Variants in CNTN5 observed in about 807,000 individuals in gnomAD.
The protein encoded by CNTN5 is contactin 5, also known as contactin-5.
A neutral mutation model predicts 129.1 loss-of-function variants in CNTN5; 77 were observed. The ratio of observed to expected loss-of-function variants is 0.60; its 90% CI spans 0.50 to 0.72. The LOEUF (loss-of-function observed/expected upper bound fraction) is 0.72. Ranked by LOEUF, CNTN5 falls within the 30% of genes least tolerant of loss-of-function variation. The probability of loss-of-function intolerance (pLI) is 0.00; values close to 1 mark genes in which losing one functional copy is unlikely to be tolerated. For synonymous variants in CNTN5, 509 were observed against 465.6 expected (o/e 1.09, Z -1.20); for missense variants, 1,478 against 1,328.8 (o/e 1.11, Z -1.75).
rs138980308 is a variant in CNTN5, at chr11:99,912,446, A to G, written c.578-3608A>G. ...GTATGATTAATTCATTTATATATGT[A>G]TATCCTTTACAGTTTTTCTGCATAA... On this transcript the variant is annotated intron_variant, in intron 6 of 24. Coordinates refer to ENST00000524871, the MANE Select transcript of CNTN5 (RefSeq NM_014361.4). Among the ~76,000 whole-genome samples, 184 of 152,064 alleles carry G rather than the reference A, an allele frequency of 1.2e-3. 1 individual carries two copies. Among genetic ancestry groups the G allele is most frequent in the African/African-American group, 3.9e-3 (161 of 41,520 alleles).
chr11:100,178,502 G>C lies in CNTN5; in HGVS notation c.1581-12624G>C, dbSNP rs570635195. Among the ~76,000 whole-genome samples the C allele has an allele frequency of 3.9e-5, 6 of 152,284 alleles. No individual in the cohort carries two copies. The East Asian group carries it at 1.2e-3, about 30-fold the overall frequency. On this transcript the variant is annotated intron_variant, in intron 13 of 24. Coordinates refer to ENST00000524871, the MANE Select transcript of CNTN5 (RefSeq NM_014361.4). ...AATTTTAACATTCTGCAATTCGCAT[G>C]TGAACAATTAAATTGTTAGGACTTT...
chr11:99,883,355 T>C (rs1191206357), intron 6 of CNTN5, among the ~76,000 whole-genome samples: 1 of 152,202 alleles, frequency 6.6e-6, no homozygotes, highest in African/African-American at 2.4e-5. Flanking sequence ...GGTCCCCTTT[T>C]CTCCCTATCC....
At chr11:99,252,954 CTCT>C (rs1294599691) in intron 1 of CNTN5, among the ~76,000 whole-genome samples, 1 of 55,262 alleles carries the variant, frequency 1.8e-5, no homozygotes, top group Non-Finnish European at 4.0e-5. Flanking sequence ...TCTCTTAAAT[CTCT>C]TTTTTTTTTT....
intron 8 of CNTN5, among the ~76,000 whole-genome samples, chr11:99,988,237 G>A (rs1468383149): frequency 6.6e-6 from 1 of 152,206 alleles, no homozygotes; most frequent in Non-Finnish European, 1.5e-5. Flanking sequence ...AGACTACAGT[G>A]AGAAAACAAT....
intron 18 of CNTN5, among the ~76,000 whole-genome samples, chr11:100,290,487 A>G (rs902046355): frequency 2.0e-5 from 3 of 146,530 alleles, no homozygotes; most frequent in Non-Finnish European, 3.0e-5. Flanking sequence ...GACAAACCTG[A>G]CAAAAACAAG....
At chr11:99,438,850 C>G (rs1353416680) in intron 2 of CNTN5, among the ~76,000 whole-genome samples, 1 of 152,120 alleles carries the variant, frequency 6.6e-6, no homozygotes, top group Non-Finnish European at 1.5e-5. Flanking sequence ...ATTAAATGGC[C>G]TGCTTCAGGA....
chr11:99,318,363 G>A (rs907179153), intron 1 of CNTN5, among the ~76,000 whole-genome samples: 9 of 151,980 alleles, frequency 5.9e-5, no homozygotes, highest in African/African-American at 2.2e-4. Flanking sequence ...TCCCAATCCT[G>A]GGGTTCTTTC....
At chr11:100,044,746 T>C (rs139483287) in intron 9 of CNTN5, among the ~76,000 whole-genome samples, 1 of 148,956 alleles carries the variant, frequency 6.7e-6, no homozygotes, top group African/African-American at 2.4e-5. Flanking sequence ...GTCAGATGCA[T>C]AGTTTGCAAA....
At chr11:99,238,971 T>C (rs61334943) in intron 1 of CNTN5, among the ~76,000 whole-genome samples, 2,599 of 152,222 alleles carry the variant, frequency 0.017, 87 homozygotes, top group African/African-American at 0.06. Flanking sequence ...CTGTAACTAA[T>C]TCCTAGATAT....
At chr11:99,716,099 A>G (rs374809802) in intron 3 of CNTN5, among the ~76,000 whole-genome samples, 79 of 152,150 alleles carry the variant, frequency 5.2e-4, no homozygotes, top group African/African-American at 1.8e-3. Context: ...GTATCTTACA[A>G]TTTGATAGTC....
intron 2 of CNTN5, among the ~76,000 whole-genome samples, chr11:99,441,068 C>T (rs1473711751): frequency 6.6e-6 from 1 of 152,182 alleles, no homozygotes; most frequent in Non-Finnish European, 1.5e-5. Context: ...AGTCCTGCCA[C>T]TCCTGCCTCC....
chr11:99,946,458 G>A (rs1950555185), intron 7 of CNTN5, among the ~76,000 whole-genome samples: 1 of 152,046 alleles, frequency 6.6e-6, no homozygotes, highest in Non-Finnish European at 1.5e-5. Context: ...GTCTGAACAC[G>A]TTTAGATTTT....
intron 3 of CNTN5, among the ~76,000 whole-genome samples, chr11:99,809,144 C>T (rs1445318977): frequency 6.6e-6 from 1 of 152,096 alleles, no homozygotes; most frequent in Non-Finnish European, 1.5e-5. Context: ...TTTGTTTACT[C>T]TATGGGGGAG....
intron 3 of CNTN5, among the ~76,000 whole-genome samples, chr11:99,744,038 A>G (rs958419301): frequency 3.3e-5 from 5 of 152,114 alleles, no homozygotes; most frequent in African/African-American, 4.8e-5. Context: ...TCAACCCTTA[A>G]AAAGAAAAAT....
At chr11:99,564,243 G>A (rs1948934896) in intron 3 of CNTN5, among the ~76,000 whole-genome samples, 1 of 152,026 alleles carries the variant, frequency 6.6e-6, no homozygotes, top group Non-Finnish European at 1.5e-5. Context: ...CACCACATCA[G>A]GGTAATTTTT....
intron 3 of CNTN5, among the ~76,000 whole-genome samples, chr11:99,684,498 G>T (rs1167943528): frequency 6.6e-6 from 1 of 151,712 alleles, no homozygotes; most frequent in Non-Finnish European, 1.5e-5. Flanking sequence ...TATTGCACTG[G>T]CTAGAACTGC....
At chr11:99,591,055 G>A (rs1427751293) in intron 3 of CNTN5, among the ~76,000 whole-genome samples, 1 of 152,150 alleles carries the variant, frequency 6.6e-6, no homozygotes, top group Non-Finnish European at 1.5e-5. Context: ...CACTGTGTGT[G>A]AGGATCACTG....
intron 1 of CNTN5, among the ~76,000 whole-genome samples, chr11:99,037,035 C>T (rs1033065003): frequency 4.6e-5 from 7 of 152,106 alleles, no homozygotes; most frequent in African/African-American, 1.7e-4. Context: ...TGTACAAATA[C>T]CATTGTCTTC....
intron 1 of CNTN5, among the ~76,000 whole-genome samples, chr11:99,039,556 G>A (rs1187184497): frequency 6.6e-6 from 1 of 152,106 alleles, no homozygotes; most frequent in Admixed American, 6.6e-5. Flanking sequence ...TGAGATGAGA[G>A]GAAAAGAGAG....
Sources: allele counts gnomAD v4.1 joint callset (sites outside exome capture counted in the v4.1 genomes callset), GRCh38; gene constraint gnomAD v4.1.1; transcripts MANE v1.5; gene names NCBI Gene and HGNC (gene_info 2026-07-23, HGNC 2026-07-21).